Variants in MYO18B observed in about 807,000 individuals in gnomAD.
The protein encoded by MYO18B is unconventional myosin-XVIIIb.
Under a neutral mutation model 273.0 loss-of-function variants are expected in MYO18B, and 204 were observed. The observed-to-expected ratio is 0.75, with a 90% CI of 0.67 to 0.84. MYO18B has a LOEUF of 0.84. Among genes scored for constraint, MYO18B ranks in the 40% least tolerant of loss-of-function variants. The pLI is 0.00. For missense variants in MYO18B, 3,212 were observed against 3,287.6 expected (o/e 0.98, Z 0.56); for synonymous variants, 1,330 against 1,305.7 (o/e 1.02, Z -0.40).
chr22:26,014,122 G>T (rs2146957781), intron 42 of MYO18B, among the ~76,000 whole-genome samples: 1 of 152,100 alleles, frequency 6.6e-6, no homozygotes, highest in South Asian at 2.1e-4. Flanking sequence ...ACATTGTATT[G>T]ATTTACCTTT....
At chr22:25,963,126 CTT>C (rs2092935106) in intron 39 of MYO18B, among the ~76,000 whole-genome samples, 1 of 150,666 alleles carries the variant, frequency 6.6e-6, no homozygotes, top group South Asian at 2.1e-4. Context: ...TCTCTCTCCT[CTT>C]TCTCTTTCTC....
intron 33 of MYO18B, among the ~76,000 whole-genome samples, chr22:25,915,353 G>A (rs2092244612): frequency 2.0e-5 from 3 of 152,324 alleles, no homozygotes; most frequent in South Asian, 4.1e-4. Context: ...ACATGCCTAA[G>A]CTATCTGATA....
rs553050624 is a variant in MYO18B at position 25,834,763 on chromosome 22, T to C, written c.3061-533T>C. 1.2e-4 allele frequency among the ~76,000 whole-genome samples: 19 copies of C among 152,320 alleles called. No individual in the cohort carries two copies. In the South Asian group the frequency reaches 3.9e-3, roughly 32 times the overall value. The stretch of plus-strand genomic sequence containing the variant: ...TTGTGGCTAGATTTCAAATTCTACG[T>C]CAGTGCTATTGACTCGTGTTCACCT... On this transcript the variant is annotated intron_variant, in intron 16 of 43. Transcript: ENST00000335473.
chr22:26,033,533 A>G (rs1394578531), downstream of MYO18B, among the ~76,000 whole-genome samples: 1 of 152,204 alleles, frequency 6.6e-6, no homozygotes, highest in African/African-American at 2.4e-5. Flanking sequence ...AAAAAGGTTA[A>G]TTTCAAGTAA....
chr22:25,989,308 A>G lies in MYO18B; in HGVS notation c.6157-3055A>G, dbSNP rs114029312. ...ATTTGGTTAGACATTCGTTGAACCAATGCTTTTAGGATTCACTGTACTTAA... is the reference window on the plus strand; with the variant it reads ...ATTTGGTTAGACATTCGTTGAACCAGTGCTTTTAGGATTCACTGTACTTAA... On this transcript the variant is annotated intron_variant, in intron 39 of 43. Coordinates refer to ENST00000335473, the MANE Select transcript of MYO18B (RefSeq NM_032608.7). 3.0e-3 allele frequency among the ~76,000 whole-genome samples: 454 copies of G among 152,250 alleles called. 2 individuals are homozygous for G. Among genetic ancestry groups the G allele is most frequent in the African/African-American group, 0.01 (421 of 41,552 alleles).
chr22:25,767,069 TGTCCAA>T (rs1396944008), intron 3 of MYO18B, among the ~76,000 whole-genome samples: 1 of 152,204 alleles, frequency 6.6e-6, no homozygotes, highest in Non-Finnish European at 1.5e-5. Flanking sequence ...GTGCTGGCAT[TGTCCAA>T]GATGGAAGAA....
intron 20 of MYO18B, among the ~76,000 whole-genome samples, chr22:25,850,010 G>A (rs1229390868): frequency 1.3e-5 from 2 of 152,134 alleles, no homozygotes; most frequent in African/African-American, 2.4e-5. Flanking sequence ...GCACAGAGAC[G>A]GGACATGAAT....
chr22:25,853,111 T>C (rs1160527231), intron 21 of MYO18B, among the ~76,000 whole-genome samples: 1 of 152,162 alleles, frequency 6.6e-6, no homozygotes, highest in African/African-American at 2.4e-5. Context: ...AAGGGCTCAA[T>C]ATACATTAAC....
At chr22:26,022,302 G>A (rs942828549) in intron 42 of MYO18B, among the ~76,000 whole-genome samples, 2 of 150,774 alleles carry the variant, frequency 1.3e-5, no homozygotes, top group African/African-American at 2.4e-5. Context: ...ACTGGTCCCC[G>A]GATGAAGTCA....
intron 29 of MYO18B, chr22:25,899,636 G>GA (rs2091888944): frequency 6.6e-6 from 1 of 152,182 alleles, no homozygotes; most frequent in Admixed American, 6.5e-5. Context: ...CCCAAAATAA[G>GA]AAAGATTTAT....
intron 42 of MYO18B, among the ~76,000 whole-genome samples, chr22:26,024,408 G>A (rs1936082203): frequency 6.6e-6 from 1 of 152,156 alleles, no homozygotes; most frequent in African/African-American, 2.4e-5. Flanking sequence ...GAAGCAGGGA[G>A]GGCTTGGCCT....
intron 34 of MYO18B, among the ~76,000 whole-genome samples, chr22:25,943,519 C>T (rs1430951583): frequency 6.6e-6 from 1 of 152,048 alleles, no homozygotes; most frequent in Non-Finnish European, 1.5e-5. Flanking sequence ...GAGATGTGAC[C>T]CGCGTCCACA....
At chr22:25,862,167 A>G (rs961450938) in intron 21 of MYO18B, among the ~76,000 whole-genome samples, 1 of 152,160 alleles carries the variant, frequency 6.6e-6, no homozygotes, top group African/African-American at 2.4e-5. Flanking sequence ...GGTTATTTGT[A>G]AATACTGTGC....
intron 7 of MYO18B, among the ~76,000 whole-genome samples, chr22:25,775,972 G>A (rs950715048): frequency 6.6e-6 from 1 of 151,856 alleles, no homozygotes; most frequent in Non-Finnish European, 1.5e-5. Flanking sequence ...GTGTATAGTT[G>A]TATAACTGCT....
chr22:25,906,952 T>G (rs1035979826), intron 31 of MYO18B, among the ~76,000 whole-genome samples: 2 of 152,134 alleles, frequency 1.3e-5, no homozygotes, highest in African/African-American at 2.4e-5. Context: ...AAATTCAAAA[T>G]GAGATTTGGG....
At chr22:25,959,199 C>T (rs906334703) in intron 39 of MYO18B, 2 of 151,898 alleles carry the variant, frequency 1.3e-5, no homozygotes, top group Admixed American at 6.5e-5. Flanking sequence ...CCAAATCTCT[C>T]TCCCATGCCC....
chr22:25,826,602 GAGGGTTTCTA>G (rs1244625992), intron 14 of MYO18B, 103 bp downstream of exon 14: 1 of 1,039,646 alleles, frequency 9.6e-7, no homozygotes, highest in African/African-American at 1.6e-5. Flanking sequence ...GAGCTGGCGA[GAGGGTTTCTA>G]AGGTGGACAG....
At chr22:25,919,666 T>TTGTGTGTGTGTGTG (rs977900012) in intron 33 of MYO18B, among the ~76,000 whole-genome samples, 2 of 138,368 alleles carry the variant, frequency 1.4e-5, no homozygotes, top group Non-Finnish European at 3.1e-5. Context: ...GCAGGTGAGA[T>TTGTGTGTGTGTGTG]TGTGTGTGTG....
intron 11 of MYO18B, among the ~76,000 whole-genome samples, chr22:25,793,943 T>C (rs924188410): frequency 4.7e-4 from 71 of 151,316 alleles, no homozygotes; most frequent in African/African-American, 1.6e-3. Flanking sequence ...GTCTCTCTCT[T>C]TTTTTTTTGA....
Sources: gnomAD v4.1 joint callset for allele counts (sites outside exome capture counted in the v4.1 genomes callset) on GRCh38, gnomAD v4.1.1 for gene constraint, MANE v1.5 for transcripts, NCBI Gene and HGNC (gene_info 2026-07-23, HGNC 2026-07-21) for gene names.